Variants in MYO3B observed in about 807,000 individuals in gnomAD.
MYO3B encodes the protein myosin IIIB, also known as myosin-IIIb.
In MYO3B, 156 loss-of-function variants were observed where a neutral mutation model predicts 174.6. The observed-to-expected ratio is 0.89, with a 90% confidence interval of 0.78 to 1.02. The LOEUF is 1.02. Ranked by LOEUF, MYO3B falls within the 50% of genes least tolerant of loss-of-function variation. MYO3B has a pLI of 0.00. For synonymous variants in MYO3B, 563 were observed against 569.1 expected (o/e 0.99, Z 0.15); for missense variants, 1,632 against 1,639.4 (o/e 1.00, Z 0.08).
intron 25 of MYO3B, among the ~76,000 whole-genome samples, chr2:170,492,652 C>T (rs1350497215): frequency 6.6e-6 from 1 of 152,170 alleles, no homozygotes; most frequent in Non-Finnish European, 1.5e-5. Flanking sequence ...AGTCCAGGGC[C>T]ACATTCCCTC....
At chr2:170,646,040 G>A (rs999215282) in intron 32 of MYO3B, among the ~76,000 whole-genome samples, 2 of 152,144 alleles carry the variant, frequency 1.3e-5, no homozygotes, top group South Asian at 2.1e-4. Context: ...GGGAGGCTGA[G>A]GCAGGTGGAT....
chr2:170,351,250 G>A (rs1440116296), intron 8 of MYO3B: 1 of 152,168 alleles, frequency 6.6e-6, no homozygotes, highest in African/African-American at 2.4e-5. Flanking sequence ...ATTCAGAGTT[G>A]AGACTCCTAC....
intron 22 of MYO3B, among the ~76,000 whole-genome samples, chr2:170,427,746 A>G (rs1254237467): frequency 1.3e-5 from 2 of 152,322 alleles, no homozygotes; most frequent in Middle Eastern, 3.4e-3. Flanking sequence ...TAAAAGAGCT[A>G]GTGACATGGA....
At chr2:170,604,124 T>G (rs1694676942) in intron 32 of MYO3B, among the ~76,000 whole-genome samples, 1 of 152,204 alleles carries the variant, frequency 6.6e-6, no homozygotes, top group Non-Finnish European at 1.5e-5. Context: ...AAGACAAAAT[T>G]GTCTAGTGGC....
chr2:170,571,055 A>G (rs929409242), intron 32 of MYO3B, among the ~76,000 whole-genome samples: 9 of 152,210 alleles, frequency 5.9e-5, no homozygotes, highest in Admixed American at 5.2e-4. Context: ...AAGACAGGTA[A>G]CATGTATATA....
chr2:170,597,392 G>T (rs1024003737), intron 32 of MYO3B, among the ~76,000 whole-genome samples: 1 of 136,722 alleles, frequency 7.3e-6, no homozygotes. Flanking sequence ...AAAAAAAAAA[G>T]AAGCCCTGCC....
intron 7 of MYO3B, among the ~76,000 whole-genome samples, chr2:170,329,964 C>T (rs79041516): frequency 0.034 from 5,136 of 151,988 alleles, 108 homozygotes; most frequent in Middle Eastern, 0.068. Context: ...TGCTTTCTTG[C>T]TTTTATGAGT....
chr2:170,610,222 C>T (rs1273810574), intron 32 of MYO3B, among the ~76,000 whole-genome samples: 1 of 148,740 alleles, frequency 6.7e-6, no homozygotes, highest in African/African-American at 2.5e-5. Context: ...CACTTGTTGT[C>T]CCAGCTACTT....
chr2:170,312,186 TCA>T (rs1245051815), intron 7 of MYO3B, among the ~76,000 whole-genome samples: 1 of 152,250 alleles, frequency 6.6e-6, no homozygotes, highest in East Asian at 1.9e-4. Context: ...TCATCTTTTC[TCA>T]CAGTCACAAA....
intron 32 of MYO3B, among the ~76,000 whole-genome samples, chr2:170,578,705 A>T (rs1016277714): frequency 1.3e-5 from 2 of 152,252 alleles, no homozygotes; most frequent in Non-Finnish European, 2.9e-5. Context: ...CTAAAAAAAT[A>T]TTTCCGATGT....
chr2:170,395,187 A>G (rs545794930), intron 16 of MYO3B, among the ~76,000 whole-genome samples: 1 of 152,282 alleles, frequency 6.6e-6, no homozygotes, highest in South Asian at 2.1e-4. Flanking sequence ...TCTTCCACTA[A>G]TAATGATGAT....
rs1225642449 is a variant in MYO3B at position 170,557,903 on chromosome 2, G to GT, written c.3733+13916dup. ...CACATGTGAGAGATACAAGATCAAG[G>GT]TGGTTGTTTATTTTGTTTTGCACCC... On this transcript the variant is annotated intron_variant, in intron 32 of 34. Transcript: ENST00000408978. 2.0e-5 allele frequency among the ~76,000 whole-genome samples: 3 copies of GT among 152,096 alleles called. No homozygotes were observed. The South Asian group carries it at 6.2e-4, about 32-fold the overall frequency.
At chr2:170,298,412 C>A (rs948891920) in intron 7 of MYO3B, among the ~76,000 whole-genome samples, 2 of 152,152 alleles carry the variant, frequency 1.3e-5, no homozygotes, top group Non-Finnish European at 2.9e-5. Context: ...TGCAGTGGCT[C>A]ATGCCTGTAA....
intron 32 of MYO3B, among the ~76,000 whole-genome samples, chr2:170,573,227 G>GTGTGTATATATATATATATA (rs1446970724): frequency 2.2e-5 from 1 of 46,476 alleles, no homozygotes; most frequent in South Asian, 5.7e-4. Context: ...TATACTGTGT[G>GTGTGTATATATATATATATA]TATATATATA....
In MYO3B at chr2:170,312,641, A is replaced by T. The variant is rs547817388; in HGVS notation, c.750-22744A>T. Among the ~76,000 whole-genome samples, 13 of 152,344 alleles carry T rather than the reference A, an allele frequency of 8.5e-5. No homozygotes were observed. In the East Asian group the frequency reaches 1.7e-3, roughly 20 times the overall value. On this transcript the variant is annotated intron_variant, in intron 7 of 34. Transcript: ENST00000408978. ...CCTGCGTGGAAGGCTGGTGGGAAGG[A>T]ATAGAAATGTTTATTTTGCAATTAG...
intron 30 of MYO3B, among the ~76,000 whole-genome samples, chr2:170,540,406 T>A (rs1690012299): frequency 6.6e-6 from 1 of 152,142 alleles, no homozygotes; most frequent in Admixed American, 6.5e-5. Context: ...ATCCATGCAA[T>A]AAGCATTGGC....
chr2:170,403,929 A>T (rs532971522), intron 19 of MYO3B, among the ~76,000 whole-genome samples: 3 of 152,270 alleles, frequency 2.0e-5, no homozygotes, highest in African/African-American at 7.2e-5. Context: ...GGTTTAAACA[A>T]TATTTCTCAC....
At chr2:170,647,010 A>C in intron 32 of MYO3B, 1 of 922,476 alleles carries the variant, frequency 1.1e-6, no homozygotes, top group Admixed American at 2.2e-5. Flanking sequence ...ACTGTCCATC[A>C]TATGGAACGT....
chr2:170,273,115 G>A (rs1295683105), intron 7 of MYO3B, among the ~76,000 whole-genome samples: 1 of 152,114 alleles, frequency 6.6e-6, no homozygotes, highest in South Asian at 2.1e-4. Flanking sequence ...AGATTCAAAA[G>A]TGGATCTCCA....
Sources: gnomAD v4.1 joint callset for allele counts (sites outside exome capture counted in the v4.1 genomes callset) on GRCh38, gnomAD v4.1.1 for gene constraint, MANE v1.5 for transcripts, NCBI Gene and HGNC (gene_info 2026-07-23, HGNC 2026-07-21) for gene names.